Variants in SRBD1 observed in about 807,000 individuals in gnomAD.
SRBD1 encodes S1 RNA binding domain 1.
SRBD1 carries 88 observed loss-of-function variants against 115.3 expected under a neutral mutation model. The ratio of observed to expected loss-of-function variants is 0.76; its 90% confidence interval spans 0.64 to 0.91. The LOEUF is 0.91. Among genes scored for constraint, SRBD1 ranks in the 40% least tolerant of loss-of-function variants. The pLI, the probability that SRBD1 is intolerant of heterozygous loss-of-function variation, is 0.00. For synonymous variants in SRBD1, 509 were observed against 407.7 expected (o/e 1.25, Z -2.99); for missense variants, 1,385 against 1,177.4 (o/e 1.18, Z -2.58).
intron 16 of SRBD1, among the ~76,000 whole-genome samples, chr2:45,431,041 C>A (rs1668317145): frequency 1.3e-5 from 2 of 152,178 alleles, no homozygotes; most frequent in Non-Finnish European, 2.9e-5. Flanking sequence ...TGAAAAAAAG[C>A]TCATCATCAC....
chr2:45,396,830 T>C (rs1047475578), intron 19 of SRBD1, among the ~76,000 whole-genome samples: 1 of 152,176 alleles, frequency 6.6e-6, no homozygotes, highest in Non-Finnish European at 1.5e-5. Context: ...ACTTGGTTCA[T>C]TACATTAAAG....
intron 14 of SRBD1, among the ~76,000 whole-genome samples, chr2:45,512,603 A>G (rs1671003074): frequency 6.6e-6 from 1 of 152,198 alleles, no homozygotes; most frequent in Non-Finnish European, 1.5e-5. Context: ...ACAGAAAGAC[A>G]ATCATTGTGC....
chr2:45,608,187 C>T (rs1281848772), intron 1 of SRBD1, among the ~76,000 whole-genome samples: 1 of 152,190 alleles, frequency 6.6e-6, no homozygotes, highest in African/African-American at 2.4e-5. Flanking sequence ...AAAGAAGGCT[C>T]CCCTAAATCA....
Position 45,418,371 on chromosome 2 carries a change from A to C in SRBD1, c.2327T>G (p.Phe776Cys). The C allele has an allele frequency of 6.2e-7, 1 of 1,613,448 alleles. No homozygotes were observed. The highest frequency in any genetic ancestry group is 1.3e-5 in the African/African-American group (1 of 74,944). The change falls in exon 18 of 21, where the codon TTT (phenylalanine) becomes TGT (cysteine). Residue 776 changes from phenylalanine to cysteine, a missense_variant. By Grantham distance (205) the Phe-to-Cys change is radical. Transcript: ENST00000263736. Reference protein sequence around the residue: ...IRINQDYIRTFCSQQTETSGQ... With the variant: ...IRINQDYIRTCCSQQTETSGQ... Reference sequence around the variant, plus strand: ...AGTGTATACTTATACTCACCTGCAAAACGTTCGGATATAATCCTGGTTGAT... The same window carrying C: ...AGTGTATACTTATACTCACCTGCAACACGTTCGGATATAATCCTGGTTGAT...
At chr2:45,537,585 T>C (rs564999190) in intron 14 of SRBD1, among the ~76,000 whole-genome samples, 10 of 152,132 alleles carry the variant, frequency 6.6e-5, no homozygotes, top group East Asian at 1.9e-4. Flanking sequence ...TTGCCAACAA[T>C]AGCAATCATT....
chr2:45,458,832 A>G (rs2103765856), intron 16 of SRBD1, among the ~76,000 whole-genome samples: 1 of 152,272 alleles, frequency 6.6e-6, no homozygotes, highest in African/African-American at 2.4e-5. Context: ...TCACATTCAT[A>G]TTTCAGTAGA....
In SRBD1 at chr2:45,414,785, CATAGTGTGTATATAGTATGT is replaced by C. The variant is rs1667744873; in HGVS notation, c.2334-1512_2334-1493del. On this transcript the variant is annotated intron_variant, in intron 18 of 20. Coordinates refer to ENST00000263736, the MANE Select transcript of SRBD1 (RefSeq NM_018079.5). ...TGTGTATATAGTATGTACACACACACATAGTGTGTATATAGTATGTACACACACATATAGTGTGTATATAG... is the reference window on the plus strand; with the variant it reads ...TGTGTATATAGTATGTACACACACACACACACACATATAGTGTGTATATAG... Among the ~76,000 whole-genome samples the C allele has an allele frequency of 2.2e-3, 125 of 56,374 alleles. 6 individuals carry two copies. The highest frequency in any genetic ancestry group is 7.8e-3 in the African/African-American group (116 of 14,936). The allele number at this position is 56,374 out of a possible 152,430, so 37.0% of individuals were successfully genotyped here. A position where few individuals can be genotyped will look rare whatever the true frequency, so the allele number is the denominator to read the frequency against.
In SRBD1 at chr2:45,581,744, G is replaced by C. The variant is rs750071659; in HGVS notation, c.882C>G (p.Cys294Trp). The part of the protein sequence containing the change: ...KIKKEGKMSE[C>W]LLKAMLNCKT... ...TACAATTCAGCATGGCTTTTAACAA[G>C]CACTCAGACATCTTCCCTTCCTTCT... Residue 294 changes from cysteine to tryptophan, a missense_variant, in exon 6 of 21, where the codon TGC becomes TGG. Transcript: ENST00000263736. 1.2e-6 allele frequency: 2 copies of C among 1,613,456 alleles called. No individual in the cohort carries two copies. The highest frequency in any genetic ancestry group is 1.7e-6 in the Non-Finnish European group (2 of 1,179,768).
intron 1 of SRBD1, among the ~76,000 whole-genome samples, chr2:45,610,670 G>C (rs929382713): frequency 9.2e-5 from 14 of 152,210 alleles, no homozygotes; most frequent in African/African-American, 2.9e-4. Context: ...CTACATGCCA[G>C]GCGCACTACA....
chr2:45,430,504 T>C (rs1218185039), intron 16 of SRBD1, among the ~76,000 whole-genome samples: 1 of 152,184 alleles, frequency 6.6e-6, no homozygotes, highest in Admixed American at 6.5e-5. Context: ...TCTACAACCA[T>C]CTGTTCTTTG....
intron 10 of SRBD1, among the ~76,000 whole-genome samples, chr2:45,556,598 G>A (rs1672486496): frequency 6.6e-6 from 1 of 151,912 alleles, no homozygotes; most frequent in East Asian, 1.9e-4. Context: ...GAGTAGCTGG[G>A]ACTACAGACG....
intron 14 of SRBD1, among the ~76,000 whole-genome samples, chr2:45,543,248 A>G (rs1672003474): frequency 6.6e-6 from 1 of 152,204 alleles, no homozygotes; most frequent in Non-Finnish European, 1.5e-5. Flanking sequence ...GGTAATTAGA[A>G]TTTGCACCTT....
chr2:45,605,492 T>G (rs748069920), intron 1 of SRBD1, 51 bp from the exon 2 acceptor site: 30 of 1,533,358 alleles, frequency 2.0e-5, no homozygotes, highest in Non-Finnish European at 2.5e-5. Flanking sequence ...TCTTATCACT[T>G]TATTTGGCTA....
chr2:45,562,444 G>C (rs893524355), intron 10 of SRBD1, among the ~76,000 whole-genome samples: 1 of 152,104 alleles, frequency 6.6e-6, no homozygotes, highest in Admixed American at 6.5e-5. Context: ...ATCTTGGCCA[G>C]GCTCATATTG....
At chr2:45,594,049 A>G (rs1000355176) in intron 4 of SRBD1, among the ~76,000 whole-genome samples, 1 of 152,208 alleles carries the variant, frequency 6.6e-6, no homozygotes, top group Non-Finnish European at 1.5e-5. Context: ...ACCATAATAA[A>G]CACTACCAAC....
At chr2:45,431,572 C>T (rs1296967068) in intron 16 of SRBD1, among the ~76,000 whole-genome samples, 1 of 152,008 alleles carries the variant, frequency 6.6e-6, no homozygotes, top group Non-Finnish European at 1.5e-5. Flanking sequence ...GGGAGTTGAA[C>T]AATGAGAACA....
At chr2:45,394,601 T>C (rs377546695) in intron 19 of SRBD1, among the ~76,000 whole-genome samples, 1 of 152,218 alleles carries the variant, frequency 6.6e-6, no homozygotes, top group African/African-American at 2.4e-5. Context: ...TGATTTTAAG[T>C]CTTTTTTGCA....
intron 14 of SRBD1, among the ~76,000 whole-genome samples, chr2:45,518,779 C>A (rs756734733): frequency 2.0e-4 from 30 of 152,058 alleles, no homozygotes; most frequent in Non-Finnish European, 4.1e-4. Context: ...AAATAAATCT[C>A]TTCAAACACA....
chr2:45,424,663 A>G (rs555583091), intron 16 of SRBD1, among the ~76,000 whole-genome samples: 1 of 152,294 alleles, frequency 6.6e-6, no homozygotes, highest in South Asian at 2.1e-4. Flanking sequence ...TGTATAAGAC[A>G]GACATACATA....
Sources: allele counts gnomAD v4.1 joint callset (sites outside exome capture counted in the v4.1 genomes callset), GRCh38; gene constraint gnomAD v4.1.1; transcripts MANE v1.5; gene names NCBI Gene and HGNC (gene_info 2026-07-23, HGNC 2026-07-21).